The following ZNF804B variants were observed in gnomAD, a reference collection of about 807,000 sequenced individuals.
ZNF804B encodes zinc finger protein 804B.
Under a neutral mutation model 101.4 loss-of-function variants are expected in ZNF804B, and 80 were observed. That is an observed-to-expected ratio of 0.79 (90% CI 0.66 to 0.95). The LOEUF (loss-of-function observed/expected upper bound fraction) is 0.95. Ranked by LOEUF, ZNF804B falls within the 40% of genes least tolerant of loss-of-function variation. The probability of loss-of-function intolerance (pLI) is 0.00; values close to 1 mark genes in which losing one functional copy is unlikely to be tolerated. For synonymous variants in ZNF804B, 622 were observed against 558.8 expected (o/e 1.11, Z -1.59); for missense variants, 1,673 against 1,561.9 (o/e 1.07, Z -1.20).
At chr7:89,168,682 CTT>C (rs372503661) in intron 1 of ZNF804B, among the ~76,000 whole-genome samples, 9 of 115,780 alleles carry the variant, frequency 7.8e-5, no homozygotes, top group Admixed American at 2.0e-4. Flanking sequence ...GAGCTGAATA[CTT>C]TTTTTTTTTT....
At chr7:89,115,111 G>A (rs1305964612) in intron 1 of ZNF804B, among the ~76,000 whole-genome samples, 1 of 151,050 alleles carries the variant, frequency 6.6e-6, no homozygotes, top group Non-Finnish European at 1.5e-5. Context: ...AGAACATAGA[G>A]GGATAGAAGA....
At chr7:88,877,019 T>C (rs1352665461) in intron 1 of ZNF804B, among the ~76,000 whole-genome samples, 3 of 78,962 alleles carry the variant, frequency 3.8e-5, no homozygotes, top group Non-Finnish European at 6.5e-5. Flanking sequence ...TATATATATA[T>C]ATATATAATA....
intron 1 of ZNF804B, among the ~76,000 whole-genome samples, chr7:88,868,001 A>G (rs185378440): frequency 5.0e-4 from 76 of 152,072 alleles, no homozygotes; most frequent in Non-Finnish European, 1.9e-4. Flanking sequence ...TATTATATAT[A>G]TGTATATAAA....
intron 1 of ZNF804B, among the ~76,000 whole-genome samples, chr7:89,109,420 T>C (rs892683985): frequency 6.6e-6 from 1 of 152,198 alleles, no homozygotes; most frequent in Non-Finnish European, 1.5e-5. Context: ...CCAATGAGAA[T>C]GGCTTTCTCT....
At chr7:88,965,346 CT>C (rs1793439007) in intron 1 of ZNF804B, among the ~76,000 whole-genome samples, 1 of 151,334 alleles carries the variant, frequency 6.6e-6, no homozygotes, top group Non-Finnish European at 1.5e-5. Flanking sequence ...AATGGAATTT[CT>C]CAACCCTGTT....
intron 1 of ZNF804B, among the ~76,000 whole-genome samples, chr7:88,886,885 A>T (rs1299512290): frequency 6.8e-6 from 1 of 147,206 alleles, no homozygotes; most frequent in African/African-American, 2.6e-5. Context: ...TGCATATTTA[A>T]TATGGTCCAA....
intron 1 of ZNF804B, among the ~76,000 whole-genome samples, chr7:89,077,411 T>A (rs11971081): frequency 0.45 from 68,391 of 151,912 alleles, 16,236 homozygotes; most frequent in Non-Finnish European, 0.53. Flanking sequence ...CTTACAAAAA[T>A]TACACATTTT....
intron 1 of ZNF804B, among the ~76,000 whole-genome samples, chr7:89,135,749 C>A (rs948176442): frequency 6.6e-6 from 1 of 151,994 alleles, no homozygotes; most frequent in Non-Finnish European, 1.5e-5. Flanking sequence ...TTATAAAAAA[C>A]TATTACATAT....
At chr7:88,963,687 A>G (rs1030691187) in intron 1 of ZNF804B, among the ~76,000 whole-genome samples, 1 of 151,320 alleles carries the variant, frequency 6.6e-6, no homozygotes, top group Non-Finnish European at 1.5e-5. Context: ...TATATCATCA[A>G]AATTAAAAAC....
intron 1 of ZNF804B, among the ~76,000 whole-genome samples, chr7:89,129,660 G>C (rs1317098240): frequency 6.6e-6 from 1 of 151,914 alleles, no homozygotes; most frequent in Non-Finnish European, 1.5e-5. Flanking sequence ...GATTTGATGA[G>C]GTAGAATACT....
chr7:89,166,291 G>T (rs1791142427), intron 1 of ZNF804B, among the ~76,000 whole-genome samples: 2 of 152,236 alleles, frequency 1.3e-5, no homozygotes, highest in South Asian at 4.1e-4. Flanking sequence ...CCAAACCCCT[G>T]CACAGTCGAA....
At chr7:88,984,718 A>G (rs1005091802) in intron 1 of ZNF804B, among the ~76,000 whole-genome samples, 1 of 152,074 alleles carries the variant, frequency 6.6e-6, no homozygotes, top group African/African-American at 2.4e-5. Flanking sequence ...TCTCTATGAC[A>G]CTTTCTATAA....
intron 1 of ZNF804B, among the ~76,000 whole-genome samples, chr7:89,088,246 A>T (rs928255111): frequency 3.3e-5 from 5 of 152,070 alleles, no homozygotes; most frequent in African/African-American, 1.2e-4. Context: ...GGAAATATCT[A>T]GAAGCAAGAA....
intron 2 of ZNF804B, among the ~76,000 whole-genome samples, chr7:89,227,036 G>A (rs554894562): frequency 1.3e-5 from 2 of 152,238 alleles, no homozygotes; most frequent in South Asian, 4.1e-4. Flanking sequence ...CAGATGCATA[G>A]CTATTGTTCT....
intron 1 of ZNF804B, among the ~76,000 whole-genome samples, chr7:88,964,929 G>A (rs1467232047): frequency 1.3e-5 from 2 of 151,298 alleles, no homozygotes; most frequent in Non-Finnish European, 3.0e-5. Flanking sequence ...ATTTCCCTAA[G>A]TATATATTGT....
intron 1 of ZNF804B, among the ~76,000 whole-genome samples, chr7:89,120,909 A>T (rs930104951): frequency 1.3e-5 from 2 of 152,218 alleles, no homozygotes; most frequent in Non-Finnish European, 2.9e-5. Context: ...ATGCTGAGAC[A>T]GATACTTGAG....
intron 1 of ZNF804B, among the ~76,000 whole-genome samples, chr7:89,015,181 T>C (rs560522242): frequency 1.3e-5 from 2 of 152,226 alleles, no homozygotes; most frequent in South Asian, 4.1e-4. Flanking sequence ...CTTCCTGGGT[T>C]CTTTATTTTG....
At chr7:88,856,433 T>C (rs1791560245) in intron 1 of ZNF804B, among the ~76,000 whole-genome samples, 1 of 152,154 alleles carries the variant, frequency 6.6e-6, no homozygotes, top group Non-Finnish European at 1.5e-5. Flanking sequence ...ATAAGAATGC[T>C]TGTGATTTTT....
intron 1 of ZNF804B, among the ~76,000 whole-genome samples, chr7:89,176,136 G>C (rs1010027696): frequency 4.0e-5 from 6 of 151,886 alleles, no homozygotes; most frequent in Non-Finnish European, 7.4e-5. Flanking sequence ...TTGTGCTCTA[G>C]ATCTTAGAGG....
Sources: gnomAD v4.1 joint callset for allele counts (sites outside exome capture counted in the v4.1 genomes callset) on GRCh38, gnomAD v4.1.1 for gene constraint, MANE v1.5 for transcripts, NCBI Gene and HGNC (gene_info 2026-07-23, HGNC 2026-07-21) for gene names.